Variants in FER1L6 observed in about 807,000 individuals in gnomAD.
The protein encoded by FER1L6 is fer-1 like family member 6.
FER1L6 carries 177 observed loss-of-function variants against 219.2 expected under a neutral mutation model. The observed-to-expected ratio is 0.81, with a 90% CI of 0.71 to 0.91. The LOEUF (loss-of-function observed/expected upper bound fraction) is 0.91. Among genes scored for constraint, FER1L6 ranks in the 40% least tolerant of loss-of-function variants. The pLI, the probability that FER1L6 is intolerant of heterozygous loss-of-function variation, is 0.00. For missense variants in FER1L6, 2,153 were observed against 2,259.9 expected, an observed-to-expected ratio of 0.95 and a Z score of 0.96; for synonymous variants, 768 against 824.3, an observed-to-expected ratio of 0.93 and a Z score of 1.17.
intron 19 of FER1L6, among the ~76,000 whole-genome samples, chr8:124,037,505 C>A (rs1177699420): frequency 6.6e-6 from 1 of 152,194 alleles, no homozygotes; most frequent in Non-Finnish European, 1.5e-5. Context: ...TGGGGACAGA[C>A]TTAGAATTGA....
intron 1 of FER1L6, among the ~76,000 whole-genome samples, chr8:123,855,648 G>A (rs954250230): frequency 7.4e-5 from 11 of 147,830 alleles, no homozygotes; most frequent in African/African-American, 2.4e-4. Context: ...GCAAGAGAAC[G>A]GATGTGAAGG....
chr8:124,060,234 C>G lies in FER1L6; in HGVS notation c.2929C>G (p.Gln977Glu), dbSNP rs1266733104. Reference protein sequence around the residue: ...LPPVEPPDITQIYPVPANIRP... With the variant: ...LPPVEPPDITEIYPVPANIRP... ...ACCCGTTGAGCCACCAGACATCACC[C>G]AGATCTACCCGGTTCCTGCCAACAT... Residue 977 changes from glutamine to glutamate, a missense_variant, in exon 23 of 41, where the codon CAG becomes GAG. By Grantham distance (29) the Gln-to-Glu change is conservative. Coordinates refer to ENST00000522917, the MANE Select transcript of FER1L6 (RefSeq NM_001039112.2). 23 of 1,612,994 alleles carry G rather than the reference C, an allele frequency of 1.4e-5. No homozygotes were observed. The highest frequency in any genetic ancestry group is 1.7e-5 in the Non-Finnish European group (20 of 1,179,732).
chr8:123,966,233 G>T lies in FER1L6; in HGVS notation c.327G>T (p.Gly109=), dbSNP rs769079713. ...NIDPVVTIEI[G]DEKKQSTVKE... is the part of the protein sequence containing the mutation. ...ACCCAGTTGTGACCATTGAGATTGG[G>T]GATGAGAAGAAGCAAAGCACAGTGA... The change falls in exon 5 of 41, where the codon GGG becomes GGT. Residue 109 remains glycine (G), a synonymous_variant. Coordinates refer to ENST00000522917, the MANE Select transcript of FER1L6 (RefSeq NM_001039112.2). The T allele has an allele frequency of 1.2e-6, 2 of 1,614,076 alleles. No homozygotes were observed. The highest frequency in any genetic ancestry group is 1.1e-5 in the South Asian group (1 of 91,066).
intron 23 of FER1L6, 70 bp downstream of exon 23, chr8:124,060,360 A>ACCT (rs2130823521): frequency 1.3e-6 from 2 of 1,505,092 alleles, no homozygotes; most frequent in Non-Finnish European, 1.8e-6. Flanking sequence ...GAATTGTAGG[A>ACCT]GAGGTGATAT....
chr8:124,089,370 G>C (rs1034424192), intron 33 of FER1L6, among the ~76,000 whole-genome samples: 7 of 152,170 alleles, frequency 4.6e-5, no homozygotes, highest in African/African-American at 1.7e-4. Context: ...ATGCTACAGG[G>C]CCACTGCCAG....
intron 21 of FER1L6, among the ~76,000 whole-genome samples, chr8:124,047,381 T>C (rs910223018): frequency 2.0e-5 from 3 of 152,220 alleles, no homozygotes; most frequent in African/African-American, 4.8e-5. Context: ...ACTAAAGGAA[T>C]GTTGTATAGG....
intron 1 of FER1L6, among the ~76,000 whole-genome samples, chr8:123,893,085 T>A (rs1324267994): frequency 6.6e-6 from 1 of 152,200 alleles, no homozygotes; most frequent in African/African-American, 2.4e-5. Flanking sequence ...CAACCAAATT[T>A]CCTTGTCAAC....
At chr8:123,901,405 A>G (rs566367875) in intron 1 of FER1L6, among the ~76,000 whole-genome samples, 4 of 152,186 alleles carry the variant, frequency 2.6e-5, no homozygotes, top group Admixed American at 2.0e-4. Context: ...TTCTTGGTTA[A>G]TCTTGCTAAC....
chr8:123,872,804 G>A (rs571918471), intron 1 of FER1L6, among the ~76,000 whole-genome samples: 2 of 152,206 alleles, frequency 1.3e-5, no homozygotes, highest in African/African-American at 2.4e-5. Context: ...ACATGTGTAC[G>A]AGGTCCTCTG....
intron 7 of FER1L6, among the ~76,000 whole-genome samples, chr8:123,973,898 T>C (rs1011748473): frequency 6.6e-6 from 1 of 152,208 alleles, no homozygotes; most frequent in African/African-American, 2.4e-5. Flanking sequence ...TCCTCATCTG[T>C]AGAAATGAAG....
intron 33 of FER1L6, among the ~76,000 whole-genome samples, chr8:124,084,680 A>C (rs1460744400): frequency 6.6e-6 from 1 of 151,628 alleles, no homozygotes; most frequent in Non-Finnish European, 1.5e-5. Context: ...TTTGTTGAAA[A>C]TTTTTCTTGA....
chr8:123,882,655 TAAAATA>T (rs1480273390), intron 1 of FER1L6, among the ~76,000 whole-genome samples: 1 of 151,780 alleles, frequency 6.6e-6, no homozygotes, highest in Non-Finnish European at 1.5e-5. Context: ...CTAAAGGAAA[TAAAATA>T]GATATGAAAC....
rs905525669 is a variant in FER1L6 at position 123,853,558 on chromosome 8, T to C, written c.-8+1373T>C. Among the ~76,000 whole-genome samples the C allele has an allele frequency of 6.6e-6, 1 of 152,236 alleles. No homozygotes were observed. Among genetic ancestry groups the C allele is most frequent in the Non-Finnish European group, 1.5e-5 (1 of 68,032 alleles). On this transcript the variant is annotated intron_variant, in intron 1 of 40. Transcript: ENST00000522917. The surrounding 1 kb of genome is among the most constrained non-coding windows in gnomAD (Gnocchi z 6.6). ...CCCAAGGCTGTTGAAAAATTGTTAC[T>C]TTTTTCCTGGGGTATTGTATTAATC...
chr8:123,934,916 T>TGGG (rs1813923741), intron 1 of FER1L6, among the ~76,000 whole-genome samples: 1 of 152,186 alleles, frequency 6.6e-6, no homozygotes. Flanking sequence ...CATGGTAAGA[T>TGGG]GTGCTTGCTT....
At chr8:124,089,660 T>G (rs987441036) in intron 33 of FER1L6, among the ~76,000 whole-genome samples, 3 of 151,672 alleles carry the variant, frequency 2.0e-5, no homozygotes, top group Non-Finnish European at 4.4e-5. Flanking sequence ...TTTAAAAATA[T>G]TTTTATTAAA....
Position 123,980,921 on chromosome 8 carries a change from T to C in FER1L6, c.1410+110T>C, listed in dbSNP as rs763839227. 32 of 962,176 alleles carry C rather than the reference T, an allele frequency of 3.3e-5. No homozygotes were observed. The Middle Eastern group carries it at 8.3e-4, about 25-fold the overall frequency. The allele number at this position is 962,176 out of a possible 1,614,324, so 59.6% of individuals were successfully genotyped here. A position where few individuals can be genotyped will look rare whatever the true frequency, so the allele number is the denominator to read the frequency against. On this transcript the variant is annotated intron_variant, in intron 11 of 40. Coordinates refer to ENST00000522917, the MANE Select transcript of FER1L6 (RefSeq NM_001039112.2). ...TTGTCAGAATATGTCTTATTCCCTC[T>C]GAAAAATTTGTGTTGGCCCAGCCCT... is the stretch of plus-strand genomic sequence containing the variant.
At chr8:124,067,648 CTGTT>C (rs1328837486) in intron 27 of FER1L6, 115 bp from the exon 28 acceptor site, 1 of 897,292 alleles carries the variant, frequency 1.1e-6, no homozygotes, top group Non-Finnish European at 1.7e-6. Flanking sequence ...TGCTTACAGA[CTGTT>C]TGAATACTCT....
intron 6 of FER1L6, among the ~76,000 whole-genome samples, chr8:123,972,512 C>A (rs1317055051): frequency 6.6e-6 from 1 of 152,142 alleles, no homozygotes; most frequent in African/African-American, 2.4e-5. Context: ...TCTCCTCTTC[C>A]TTTACTACGT....
intron 1 of FER1L6, among the ~76,000 whole-genome samples, chr8:123,887,517 T>C (rs1474214140): frequency 2.0e-5 from 3 of 152,174 alleles, no homozygotes; most frequent in Non-Finnish European, 4.4e-5. Flanking sequence ...GCCTTTGAAA[T>C]TTGACATCTG....
Sources: gnomAD v4.1 joint callset for allele counts (sites outside exome capture counted in the v4.1 genomes callset) on GRCh38, gnomAD v4.1.1 for gene constraint, Gnocchi (gnomAD v3.1) non-coding constraint, MANE v1.5 for transcripts, NCBI Gene and HGNC (gene_info 2026-07-23, HGNC 2026-07-21) for gene names.